The following B3GALNT2 variants were observed in gnomAD, a reference collection of about 807,000 sequenced individuals.
The protein encoded by B3GALNT2 is beta-1,3-N-acetylgalactosaminyltransferase 2.
A neutral mutation model predicts 61.1 loss-of-function variants in B3GALNT2; 53 were observed. The ratio of observed to expected loss-of-function variants is 0.87; its 90% confidence interval spans 0.70 to 1.09. B3GALNT2 has a LOEUF of 1.09. Among genes scored for constraint, B3GALNT2 ranks in the 50% least tolerant of loss-of-function variants. The probability of loss-of-function intolerance (pLI) is 0.00; values close to 1 mark genes in which losing one functional copy is unlikely to be tolerated. For missense variants in B3GALNT2, 544 were observed against 623.0 expected, an observed-to-expected ratio of 0.87 and a Z score of 1.35; for synonymous variants, 223 against 237.4, an observed-to-expected ratio of 0.94 and a Z score of 0.56.
chr1:235,461,083 A>G (rs1683398905), intron 7 of B3GALNT2, among the ~76,000 whole-genome samples: 1 of 152,210 alleles, frequency 6.6e-6, no homozygotes. Context: ...AAAATTTTGA[A>G]AAATACAAAG....
At position 235,494,845 on chromosome 1, in the gene B3GALNT2, T is replaced by C; in HGVS notation, c.113-17A>G. The C allele has an allele frequency of 3.2e-6, 5 of 1,580,714 alleles. No individual in the cohort carries two copies. Among genetic ancestry groups the C allele is most frequent in the Non-Finnish European group, 4.3e-6 (5 of 1,153,272 alleles). On this transcript the variant is annotated splice_polypyrimidine_tract_variant and intron_variant, in intron 1 of 11. Transcript: ENST00000366600. Reference sequence around the variant, plus strand: ...CCAACTGATCTAGAAATAAGAACAATACATGAGAAATAAGTCATGTATCAA... The same window carrying C: ...CCAACTGATCTAGAAATAAGAACAACACATGAGAAATAAGTCATGTATCAA...
At chr1:235,477,662 A>G (rs1440234735) in intron 5 of B3GALNT2, among the ~76,000 whole-genome samples, 1 of 152,104 alleles carries the variant, frequency 6.6e-6, no homozygotes, top group Non-Finnish European at 1.5e-5. Flanking sequence ...GTTTAGCAGA[A>G]TCCCTGTCCC....
chr1:235,440,500 C>T, the B3GALNT2 span, among the ~76,000 whole-genome samples: 1 of 152,132 alleles, frequency 6.6e-6, no homozygotes, highest in African/African-American at 2.4e-5. Context: ...TCAAGTGATT[C>T]TCCTGCTTCA....
chr1:235,441,736 C>A, the B3GALNT2 span: 1 of 1,363,714 alleles, frequency 7.3e-7, no homozygotes, highest in Non-Finnish European at 1.0e-6. Flanking sequence ...CTTACCTATC[C>A]TTTGTTTGTT....
chr1:235,450,474 C>G (rs545904445), intron 11 of B3GALNT2, 134 bp from the exon 12 acceptor site: 152 of 1,164,586 alleles, frequency 1.3e-4, no homozygotes, highest in Non-Finnish European at 1.8e-4. Flanking sequence ...GTGTGTGGAA[C>G]AACTGGTGAG....
intron 5 of B3GALNT2, among the ~76,000 whole-genome samples, chr1:235,476,946 G>C (rs765903521): frequency 4.0e-5 from 6 of 151,410 alleles, no homozygotes; most frequent in Non-Finnish European, 8.8e-5. Context: ...AATCATTTGA[G>C]CCCATATGGT....
At chr1:235,484,732 A>G in intron 3 of B3GALNT2, 1 of 811,696 alleles carries the variant, frequency 1.2e-6, no homozygotes, top group Non-Finnish European at 1.8e-6. Flanking sequence ...CATCTAAGTA[A>G]GTTAATTATC....
At chr1:235,476,164 T>C (rs967413341) in intron 5 of B3GALNT2, among the ~76,000 whole-genome samples, 1 of 152,068 alleles carries the variant, frequency 6.6e-6, no homozygotes, top group Non-Finnish European at 1.5e-5. Flanking sequence ...TCCCAGCACT[T>C]TGGGAGGCCA....
chr1:235,448,638 C>A lies in B3GALNT2; in HGVS notation c.*1568G>T. On this transcript the variant is annotated 3_prime_UTR_variant, in exon 12 of 12. Coordinates refer to ENST00000366600, the MANE Select transcript of B3GALNT2 (RefSeq NM_152490.5). ...CATGCTTTATCGGATCTGTCTTAAT[C>A]ACATCCTTCCCCACCTTCGTTCTAA... The A allele has an allele frequency of 6.3e-7, 1 of 1,576,824 alleles. No homozygotes were observed. Among genetic ancestry groups the A allele is most frequent in the Non-Finnish European group, 8.7e-7 (1 of 1,146,468 alleles).
chr1:235,456,192 A>G (rs753072252), intron 8 of B3GALNT2, among the ~76,000 whole-genome samples: 1 of 152,234 alleles, frequency 6.6e-6, no homozygotes, highest in Admixed American at 6.5e-5. Flanking sequence ...ACATTGAAAC[A>G]TATTTTCCCT....
At chr1:235,480,520 C>G (rs113797967) in intron 4 of B3GALNT2, among the ~76,000 whole-genome samples, 16 of 152,144 alleles carry the variant, frequency 1.1e-4, no homozygotes, top group African/African-American at 3.9e-4. Flanking sequence ...CTGAAAGACA[C>G]AGATTTTTAC....
chr1:235,500,112 A>G (rs1213879559), intron 1 of B3GALNT2, among the ~76,000 whole-genome samples: 1 of 152,134 alleles, frequency 6.6e-6, no homozygotes, highest in East Asian at 1.9e-4. Flanking sequence ...AGTAAGAACT[A>G]TTTCTTTTCT....
In B3GALNT2 at chr1:235,458,728, T is replaced by C; in HGVS notation, c.900A>G (p.Ile300Met). Residue 300 changes from isoleucine to methionine, a missense_variant, in exon 8 of 12, where the codon ATA becomes ATG. Physicochemically the swap from Ile to Met is conservative, Grantham distance 10. Coordinates refer to ENST00000366600, the MANE Select transcript of B3GALNT2 (RefSeq NM_152490.5). ...HSRPQRLIDH[I>M]RNLHEEDALL... Reference sequence around the variant, plus strand: ...AGGCATCTTCCTCATGGAGATTCCTTATATGATCAATAAGTCTTTGAGGGC... The same window carrying C: ...AGGCATCTTCCTCATGGAGATTCCTCATATGATCAATAAGTCTTTGAGGGC... 1 of 1,612,738 alleles carries C rather than the reference T, an allele frequency of 6.2e-7. No individual in the cohort carries two copies. The highest frequency in any genetic ancestry group is 2.2e-5 in the East Asian group (1 of 44,858).
At chr1:235,473,188 C>G (rs1044886626) in intron 5 of B3GALNT2, among the ~76,000 whole-genome samples, 1 of 152,216 alleles carries the variant, frequency 6.6e-6, no homozygotes, top group African/African-American at 2.4e-5. Context: ...GCTAGGATTA[C>G]GGGCGTGAGC....
At position 235,448,752 on chromosome 1, in the gene B3GALNT2, T is replaced by G; in HGVS notation, c.*1454A>C. On this transcript the variant is annotated 3_prime_UTR_variant, in exon 12 of 12. Coordinates refer to ENST00000366600, the MANE Select transcript of B3GALNT2 (RefSeq NM_152490.5). ...GTGGAAAATGGAGATTGTCTATTAGTGCGATGGTGACAACCAACTAATAAA... is the reference window on the plus strand; with the variant it reads ...GTGGAAAATGGAGATTGTCTATTAGGGCGATGGTGACAACCAACTAATAAA... 6.2e-7 allele frequency: 1 copy of G among 1,612,316 alleles called. No individual in the cohort carries two copies. The highest frequency in any genetic ancestry group is 8.5e-7 in the Non-Finnish European group (1 of 1,178,460).
rs1173667430 is a variant in B3GALNT2, at chr1:235,473,993, G to A, written c.652-3033C>T. On this transcript the variant is annotated intron_variant, in intron 5 of 11. Transcript: ENST00000366600. ...AAACAAATTCAATGAATAATTGAATGTGTTACCAGAAAAATTCCCTAGTCC... is the reference window on the plus strand; with the variant it reads ...AAACAAATTCAATGAATAATTGAATATGTTACCAGAAAAATTCCCTAGTCC... Among the ~76,000 whole-genome samples, 5 of 152,144 alleles carry A rather than the reference G, an allele frequency of 3.3e-5. No homozygotes were observed. The East Asian group carries it at 9.6e-4, about 29-fold the overall frequency.
chr1:235,487,729 C>T (rs991276976), intron 3 of B3GALNT2, among the ~76,000 whole-genome samples: 2 of 152,194 alleles, frequency 1.3e-5, no homozygotes, highest in African/African-American at 2.4e-5. Flanking sequence ...AACTTATCAA[C>T]TTCCTAAAAT....
In B3GALNT2 at chr1:235,494,685, G is replaced by T; in HGVS notation, c.256C>A (p.Gln86Lys). The T allele has an allele frequency of 6.2e-7, 1 of 1,610,930 alleles. No homozygotes were observed. The highest frequency in any genetic ancestry group is 1.1e-5 in the South Asian group (1 of 90,664). Residue 86 changes from glutamine (Q) to lysine (K), a missense_variant, in exon 2 of 12, where the codon CAA becomes AAA. Transcript: ENST00000366600. ...RHLLQHPTLS[Q>K]RVLVKFIIGA... is the part of the protein sequence containing the mutation. Reference sequence around the variant, plus strand: ...GCAACAACTCAGAAAACCTACCGTTGACTTAATGTGGGATGCTGTAGCAAA... The same window carrying T: ...GCAACAACTCAGAAAACCTACCGTTTACTTAATGTGGGATGCTGTAGCAAA...
intron 5 of B3GALNT2, among the ~76,000 whole-genome samples, chr1:235,475,336 A>G (rs1239203874): frequency 2.0e-5 from 3 of 152,046 alleles, no homozygotes; most frequent in Admixed American, 2.0e-4. Context: ...AGTAGTCTTC[A>G]CTTGTGAAGA....
Sources: allele counts gnomAD v4.1 joint callset (sites outside exome capture counted in the v4.1 genomes callset), GRCh38; gene constraint gnomAD v4.1.1; transcripts MANE v1.5; gene names NCBI Gene and HGNC (gene_info 2026-07-23, HGNC 2026-07-21).